Variants in ABLIM2 observed in about 807,000 individuals in gnomAD.
ABLIM2 encodes actin binding LIM protein family member 2.
Under a neutral mutation model 97.7 loss-of-function variants are expected in ABLIM2, and 53 were observed. The ratio of observed to expected loss-of-function variants is 0.54; its 90% CI spans 0.44 to 0.68. ABLIM2 has a LOEUF of 0.68. Ranked by LOEUF, ABLIM2 falls within the 30% of genes least tolerant of loss-of-function variation. The pLI is 0.00. For synonymous variants in ABLIM2, 361 were observed against 345.8 expected, an observed-to-expected ratio of 1.04 and a Z score of -0.49; for missense variants, 835 against 867.2, an observed-to-expected ratio of 0.96 and a Z score of 0.47.
At chr4:8,103,678 T>A (rs1835785166) in intron 2 of ABLIM2, among the ~76,000 whole-genome samples, 2 of 152,222 alleles carry the variant, frequency 1.3e-5, no homozygotes, top group Admixed American at 6.5e-5. Context: ...CCATCGCCTG[T>A]CGCTGGCGAG....
At chr4:8,079,078 G>A (rs1363586425) in intron 5 of ABLIM2, among the ~76,000 whole-genome samples, 6 of 152,222 alleles carry the variant, frequency 3.9e-5, no homozygotes, top group Non-Finnish European at 8.8e-5. Flanking sequence ...CATGAGCCCC[G>A]GGCCTGGGTG....
rs571535327 is a variant in ABLIM2 at position 7,989,337 on chromosome 4, G to A, written c.1680+3529C>T. On this transcript the variant is annotated intron_variant, in intron 17 of 20. Coordinates refer to ENST00000447017, the MANE Select transcript of ABLIM2 (RefSeq NM_001130083.2). ...CAAGTGATCCACCCACCTCGGCCTC[G>A]CAGAGTGCTGGGATTATAGGCCTGA... The A allele has an allele frequency of 1.3e-4, 122 of 914,038 alleles. 1 individual carries two copies. The South Asian group carries it at 3.5e-3, about 26-fold the overall frequency. The allele number at this position is 914,038 out of a possible 1,614,324, so 56.6% of individuals were successfully genotyped here. A position where few individuals can be genotyped will look rare whatever the true frequency, so the allele number is the denominator to read the frequency against.
At chr4:8,060,810 C>T (rs1376510773) in intron 7 of ABLIM2, among the ~76,000 whole-genome samples, 157 bp downstream of exon 7, 1 of 152,158 alleles carries the variant, frequency 6.6e-6, no homozygotes, top group African/African-American at 2.4e-5. Flanking sequence ...CTGGCACGTG[C>T]CACCGCCCTG....
chr4:8,065,890 C>T (rs974608732), intron 6 of ABLIM2, among the ~76,000 whole-genome samples: 1 of 149,690 alleles, frequency 6.7e-6, no homozygotes, highest in Admixed American at 6.7e-5. Context: ...CGCCACTGTA[C>T]TCCAGCCTAA....
At chr4:8,156,713 G>A (rs976078603) in intron 1 of ABLIM2, among the ~76,000 whole-genome samples, 7 of 152,244 alleles carry the variant, frequency 4.6e-5, no homozygotes, top group East Asian at 1.9e-4. Flanking sequence ...TAATGCCAGC[G>A]GGTGTGGGGA....
rs896112198 is a variant in ABLIM2, at chr4:8,125,795, G to T, written c.11-19158C>A. Reference sequence around the variant, plus strand: ...GACATCGTCACCTGCTGTCTGCTCTGGGCATCCACGGCTGTCCTCAGAATG... The same window carrying T: ...GACATCGTCACCTGCTGTCTGCTCTTGGCATCCACGGCTGTCCTCAGAATG... On this transcript the variant is annotated intron_variant, in intron 1 of 20. Coordinates refer to ENST00000447017, the MANE Select transcript of ABLIM2 (RefSeq NM_001130083.2). The surrounding 1 kb of genome is among the most constrained non-coding windows in gnomAD (Gnocchi z 6.2). 6.6e-6 allele frequency among the ~76,000 whole-genome samples: 1 copy of T among 152,198 alleles called. No homozygotes were observed. The highest frequency in any genetic ancestry group is 6.5e-5 in the Admixed American group (1 of 15,282).
At chr4:8,024,131 G>C (rs1465072315) in intron 12 of ABLIM2, among the ~76,000 whole-genome samples, 11 of 152,178 alleles carry the variant, frequency 7.2e-5, no homozygotes, top group Admixed American at 2.0e-4. Flanking sequence ...TGCGGGCCTG[G>C]ACCTGAGGCT....
chr4:8,066,974 C>G (rs917550849), intron 6 of ABLIM2: 5 of 152,258 alleles, frequency 3.3e-5, no homozygotes, highest in African/African-American at 1.2e-4. Flanking sequence ...ACATACCAAG[C>G]ATTGTGTCAG....
intron 6 of ABLIM2, among the ~76,000 whole-genome samples, chr4:8,065,193 A>G (rs1215510176): frequency 6.6e-6 from 1 of 152,224 alleles, no homozygotes; most frequent in Non-Finnish European, 1.5e-5. Context: ...TCTAAGTTAC[A>G]GTGAGCTCTG....
At chr4:7,976,913 A>C (rs34137967) in intron 20 of ABLIM2, among the ~76,000 whole-genome samples, 98,165 of 151,232 alleles carry the variant, frequency 0.65, 31,919 homozygotes, top group African/African-American at 0.67. Flanking sequence ...ATGTACACAC[A>C]CACATACACA....
chr4:8,017,280 T>TTTA (rs751969191), intron 14 of ABLIM2, among the ~76,000 whole-genome samples: 70 of 150,472 alleles, frequency 4.7e-4, no homozygotes, highest in East Asian at 5.9e-4. Context: ...TAATTCCCTA[T>TTTA]TTATTATTAT....
At chr4:7,977,420 C>G (rs1734367499) in intron 20 of ABLIM2, among the ~76,000 whole-genome samples, 1 of 152,232 alleles carries the variant, frequency 6.6e-6, no homozygotes, top group Non-Finnish European at 1.5e-5. Context: ...CACACATACA[C>G]ACACATGCAT....
Position 8,088,176 on chromosome 4 carries a change from G to A in ABLIM2, c.447C>T (p.Gly149=). The A allele has an allele frequency of 5.0e-6, 8 of 1,604,690 alleles. No homozygotes were observed. Among genetic ancestry groups the A allele is most frequent in the Non-Finnish European group, 6.8e-6 (8 of 1,177,234 alleles). The stretch of plus-strand genomic sequence containing the variant: ...CACTCAGCGCCCACTTACTTCGGAG[G>A]CCCTGGGACAGGTGCGCGCTGCTGC... ...SVGSSAHLSQ[G]LRSCGGCGTE... The change falls in exon 4 of 21, where the codon GGC becomes GGT. Residue 149 remains glycine, a synonymous_variant. Transcript: ENST00000447017.
Position 8,127,657 on chromosome 4 carries a change from G to T in ABLIM2, c.11-21020C>A, listed in dbSNP as rs557081148. Reference sequence around the variant, plus strand: ...CTGGCACCCACGGAGGATCGGGCAGGAGTGGACCGGGGAAGAGCCTCTGTG... The same window carrying T: ...CTGGCACCCACGGAGGATCGGGCAGTAGTGGACCGGGGAAGAGCCTCTGTG... On this transcript the variant is annotated intron_variant, in intron 1 of 20. Coordinates refer to ENST00000447017, the MANE Select transcript of ABLIM2 (RefSeq NM_001130083.2). The surrounding 1 kb of genome is among the most constrained non-coding windows in gnomAD (Gnocchi z 7.3). The T allele has an allele frequency of 5.7e-5, 73 of 1,281,948 alleles. No individual in the cohort carries two copies. Among genetic ancestry groups the T allele is most frequent in the South Asian group, 4.8e-4 (39 of 80,648 alleles). The allele number at this position is 1,281,948 out of a possible 1,614,324, so 79.4% of individuals were successfully genotyped here.
At position 8,044,759 on chromosome 4, in the gene ABLIM2, G is replaced by C. The variant is rs544516340; in HGVS notation, c.900+405C>G. ...CTTGCTTCTTTTAGGGAACACGCTG[G>C]GAGAGCGTGCGTGTTGATGTACACA... On this transcript the variant is annotated intron_variant, in intron 9 of 20. Transcript: ENST00000447017. The surrounding 1 kb of genome is among the most constrained non-coding windows in gnomAD (Gnocchi z 4.4). 7.9e-5 allele frequency among the ~76,000 whole-genome samples: 12 copies of C among 151,906 alleles called. 1 individual carries two copies. In the East Asian group the frequency reaches 2.3e-3, roughly 29 times the overall value.
intron 20 of ABLIM2, among the ~76,000 whole-genome samples, chr4:7,978,618 C>G (rs1401184639): frequency 6.6e-6 from 1 of 152,112 alleles, no homozygotes; most frequent in Non-Finnish European, 1.5e-5. Context: ...ATTAGACAGC[C>G]CAGAGGGGAC....
chr4:7,977,790 C>CAATAAATAATA (rs1553886718), intron 20 of ABLIM2, among the ~76,000 whole-genome samples: 10 of 142,304 alleles, frequency 7.0e-5, no homozygotes, highest in African/African-American at 2.4e-4. Flanking sequence ...GACTCTGTCT[C>CAATAAATAATA]AATAAATAAA....
chr4:8,107,791 C>T lies in ABLIM2; in HGVS notation c.11-1154G>A, dbSNP rs1017879725. ...GCAGTTGTGACTAAGTTAAGGGCTT[C>T]GATGGGATATGATGTGATCGTCTAG... On this transcript the variant is annotated intron_variant, in intron 1 of 20. Transcript: ENST00000447017. Among the ~76,000 whole-genome samples, 7 of 152,274 alleles carry T rather than the reference C, an allele frequency of 4.6e-5. No individual in the cohort carries two copies. The East Asian group carries it at 5.8e-4, about 13-fold the overall frequency.
chr4:8,073,616 G>A (rs992942413), intron 6 of ABLIM2, among the ~76,000 whole-genome samples: 1 of 152,010 alleles, frequency 6.6e-6, no homozygotes, highest in Non-Finnish European at 1.5e-5. Context: ...GTCGTCCCTG[G>A]GATGCATCAC....
Sources: gnomAD v4.1 joint callset for allele counts (sites outside exome capture counted in the v4.1 genomes callset) on GRCh38, gnomAD v4.1.1 for gene constraint, Gnocchi (gnomAD v3.1) non-coding constraint, MANE v1.5 for transcripts, NCBI Gene and HGNC (gene_info 2026-07-23, HGNC 2026-07-21) for gene names.